IPO13: variants seen among roughly 807,000 people sequenced by gnomAD.
The protein encoded by IPO13 is importin 13.
A neutral mutation model predicts 115.5 loss-of-function variants in IPO13; 28 were observed. The observed-to-expected ratio is 0.24, with a 90% CI of 0.18 to 0.33. IPO13 has a LOEUF of 0.33. IPO13 is among the 10% of genes least tolerant of loss of function. The pLI is 1.00. For missense variants in IPO13, 785 were observed against 1,204.6 expected (o/e 0.65, Z 5.16); for synonymous variants, 414 against 478.9 (o/e 0.86, Z 1.77).
At position 43,966,379 on chromosome 1, in the gene IPO13, C is replaced by A. The variant is rs2085324713; in HGVS notation, c.2398-196C>A. 2 of 632,302 alleles carry A rather than the reference C, an allele frequency of 3.2e-6. No homozygotes were observed. Among genetic ancestry groups the A allele is most frequent in the Non-Finnish European group, 5.7e-6 (2 of 350,316 alleles). 39.2% of individuals were successfully genotyped at this position (632,302 alleles called of 1,614,324 possible). On this transcript the variant is annotated intron_variant, in intron 15 of 19. Coordinates refer to ENST00000372343, the MANE Select transcript of IPO13 (RefSeq NM_014652.4). This position sits in a 1 kb window ranked among gnomAD's most constrained non-coding sequence, Gnocchi z 4.1. ...GCGTGTTCATGTACACATACATGTA[C>A]ATAGCATCCCTTGAGCTGTCCTCAC...
intron 14 of IPO13, among the ~76,000 whole-genome samples, chr1:43,964,043 G>T (rs769947375): frequency 9.2e-5 from 14 of 152,238 alleles, no homozygotes; most frequent in Non-Finnish European, 2.1e-4. Context: ...TAGGCGGAAG[G>T]CCCCTTGGAG....
chr1:43,965,705 G>T (rs1198685963), intron 15 of IPO13, among the ~76,000 whole-genome samples: 1 of 151,040 alleles, frequency 6.6e-6, no homozygotes, highest in Non-Finnish European at 1.5e-5. Flanking sequence ...TTAGAGAAGT[G>T]TGTAAGGAGG....
chr1:43,947,359 C>T lies in IPO13; in HGVS notation c.-242C>T. On this transcript the variant is annotated 5_prime_UTR_variant, in exon 1 of 20. Transcript: ENST00000372343. The stretch of plus-strand genomic sequence containing the variant: ...AGGATCCCCGCCTGAGAGCTCCTCA[C>T]TGACGGCTCCCTCCTCGGAGTCCCC... The T allele has an allele frequency of 2.5e-6, 1 of 399,168 alleles. No individual in the cohort carries two copies. Among genetic ancestry groups the T allele is most frequent in the Non-Finnish European group, 4.4e-6 (1 of 226,260 alleles). 24.7% of individuals were successfully genotyped at this position (399,168 alleles called of 1,614,324 possible). A position where few individuals can be genotyped will look rare whatever the true frequency, so the allele number is the denominator to read the frequency against.
At chr1:43,948,656 G>A (rs1014085463) in intron 1 of IPO13, among the ~76,000 whole-genome samples, 4 of 152,364 alleles carry the variant, frequency 2.6e-5, no homozygotes, top group African/African-American at 9.6e-5. Flanking sequence ...TTGGAGCAGG[G>A]CAGTGTTGGC....
At position 43,966,167 on chromosome 1, in the gene IPO13, CTCT is replaced by C. The variant is rs958276623; in HGVS notation, c.2398-402_2398-400del. 2.3e-5 allele frequency: 6 copies of C among 264,268 alleles called. No homozygotes were observed. Among genetic ancestry groups the C allele is most frequent in the Non-Finnish European group, 3.8e-5 (5 of 132,844 alleles). 16.4% of individuals were successfully genotyped at this position (264,268 alleles called of 1,614,324 possible). ...TGAGGGCTCCCTGTCTGGCTGCCAT[CTCT>C]TCTTCCTGCTACCCTGTTCACAAAC... On this transcript the variant is annotated intron_variant, in intron 15 of 19. Coordinates refer to ENST00000372343, the MANE Select transcript of IPO13 (RefSeq NM_014652.4). This position sits in a 1 kb window ranked among gnomAD's most constrained non-coding sequence, Gnocchi z 4.1.
In IPO13 at chr1:43,947,667, G is replaced by A; in HGVS notation, c.67G>A (p.Val23Met). 1 of 1,322,328 alleles carries A rather than the reference G, an allele frequency of 7.6e-7. No homozygotes were observed. The highest frequency in any genetic ancestry group is 2.2e-5 in the South Asian group (1 of 45,650). 81.9% of individuals were successfully genotyped at this position (1,322,328 alleles called of 1,614,324 possible). A position where few individuals can be genotyped will look rare whatever the true frequency, so the allele number is the denominator to read the frequency against. ...AGAAPALDFT[V>M]ENVEKALHQL... The stretch of plus-strand genomic sequence containing the variant: ...AGCAGCACCAGCCTTGGACTTCACT[G>A]TGGAGAACGTGGAGAAGGTATGAGG... The change falls in exon 1 of 20, where the codon GTG (valine) becomes ATG (methionine). Residue 23 changes from valine (V) to methionine (M), a missense_variant. Around this residue, in one of 3 missense-constraint regions of IPO13, gnomAD observed 325 missense variants for 449.8 expected, o/e 0.72. Coordinates refer to ENST00000372343, the MANE Select transcript of IPO13 (RefSeq NM_014652.4).
Position 43,966,558 on chromosome 1 carries a change from A to T in IPO13, c.2398-17A>T. On this transcript the variant is annotated splice_polypyrimidine_tract_variant and intron_variant, in intron 15 of 19. Transcript: ENST00000372343. This position sits in a 1 kb window ranked among gnomAD's most constrained non-coding sequence, Gnocchi z 4.1. Reference sequence around the variant, plus strand: ...GGAGCTGGCTGGGGCTGGGCTTACCAGCTCCACCTCCTGCAGGCTCTGAAG... The same window carrying T: ...GGAGCTGGCTGGGGCTGGGCTTACCTGCTCCACCTCCTGCAGGCTCTGAAG... The T allele has an allele frequency of 6.2e-7, 1 of 1,613,572 alleles. No homozygotes were observed. The highest frequency in any genetic ancestry group is 8.5e-7 in the Non-Finnish European group (1 of 1,179,772).
chr1:43,958,537 A>C lies in IPO13; in HGVS notation c.1826A>C (p.Asn609Thr). The C allele has an allele frequency of 6.2e-7, 1 of 1,614,074 alleles. No individual in the cohort carries two copies. The highest frequency in any genetic ancestry group is 8.5e-7 in the Non-Finnish European group (1 of 1,180,010). ...CTTCAAGTGGAGGAGATCCTTAAGAACCTGCACTCGCTTATCTCACCCTAT... is the reference window on the plus strand; with the variant it reads ...CTTCAAGTGGAGGAGATCCTTAAGACCCTGCACTCGCTTATCTCACCCTAT... ...SALQVEEILK[N>T]LHSLISPYIQ... The change falls in exon 10 of 20, where the codon AAC becomes ACC. Residue 609 changes from asparagine to threonine, a missense_variant. Transcript: ENST00000372343. This position sits in a 1 kb window ranked among gnomAD's most constrained non-coding sequence, Gnocchi z 6.3.
chr1:43,963,954 G>A (rs1260344540), intron 14 of IPO13, among the ~76,000 whole-genome samples: 1 of 152,204 alleles, frequency 6.6e-6, no homozygotes, highest in African/African-American at 2.4e-5. Flanking sequence ...TGTGGTGGCC[G>A]TTTCTTCAGC....
chr1:43,957,728 T>C (rs2085261101), intron 7 of IPO13, among the ~76,000 whole-genome samples, 179 bp downstream of exon 7: 1 of 152,248 alleles, frequency 6.6e-6, no homozygotes, highest in Non-Finnish European at 1.5e-5. Context: ...CACACTGAGC[T>C]GCAATTCAGT....
chr1:43,960,808 G>A (rs2085284034), intron 12 of IPO13, 68 bp from the exon 13 acceptor site: 1 of 1,589,206 alleles, frequency 6.3e-7, no homozygotes. Flanking sequence ...CCCCCTCTGT[G>A]CAGGGCTTCA....
chr1:43,960,219 G>A (rs1169322350), intron 11 of IPO13, 30 bp from the exon 12 acceptor site: 1 of 1,611,288 alleles, frequency 6.2e-7, no homozygotes, highest in Non-Finnish European at 8.5e-7. Flanking sequence ...ATGGATAGCA[G>A]AAGCGCCTCA....
At chr1:43,959,923 C>T (rs2085278268) in intron 11 of IPO13, among the ~76,000 whole-genome samples, 2 of 152,182 alleles carry the variant, frequency 1.3e-5, no homozygotes, top group Admixed American at 6.5e-5. Flanking sequence ...AGCCCATAGC[C>T]TTGGTTTTAC....
chr1:43,966,735 C>T lies in IPO13; in HGVS notation c.2476C>T (p.Leu826Phe), dbSNP rs1051678002. The stretch of plus-strand genomic sequence containing the variant: ...TGCCTTTCCCACAGCTGTGCTGGCC[C>T]TCAAGTTCCCTGAGGCACCTACTGT... ...KAVFQCAVLA[L>F]KFPEAPTVKA... The change falls in exon 17 of 20, where the codon CTC becomes TTC. Residue 826 changes from leucine (L) to phenylalanine (F), a missense_variant. By Grantham distance (22) the Leu-to-Phe change is conservative. Around this residue, in one of 3 missense-constraint regions of IPO13, gnomAD observed 285 missense variants for 394.8 expected, o/e 0.72. Coordinates refer to ENST00000372343, the MANE Select transcript of IPO13 (RefSeq NM_014652.4). The surrounding 1 kb of genome is among the most constrained non-coding windows in gnomAD (Gnocchi z 4.1). 2 of 1,614,092 alleles carry T rather than the reference C, an allele frequency of 1.2e-6. No individual in the cohort carries two copies. The highest frequency in any genetic ancestry group is 2.7e-5 in the African/African-American group (2 of 74,924).
chr1:43,950,154 G>A lies in IPO13; in HGVS notation c.821+1G>A. ...CCATCTCACAGCCTGATGCCCAGAG[G>A]TGAGCTAGTACCCACTCACCCAGAA... On this transcript the variant is annotated splice_donor_variant, in intron 2 of 19. Coordinates refer to ENST00000372343, the MANE Select transcript of IPO13 (RefSeq NM_014652.4). LOFTEE classifies it high-confidence loss of function. 1 of 1,603,974 alleles carries A rather than the reference G, an allele frequency of 6.2e-7. No homozygotes were observed. Among genetic ancestry groups the A allele is most frequent in the South Asian group, 1.1e-5 (1 of 90,128 alleles).
In IPO13 at chr1:43,957,186, G is replaced by A; in HGVS notation, c.1272-9G>A. Reference sequence around the variant, plus strand: ...CAGGCAGTATAAAAGGCCTTCATCTGCTTCTCAGGGTGGACATCTCAGACA... The same window carrying A: ...CAGGCAGTATAAAAGGCCTTCATCTACTTCTCAGGGTGGACATCTCAGACA... On this transcript the variant is annotated splice_polypyrimidine_tract_variant and intron_variant, in intron 5 of 19. Transcript: ENST00000372343. 6.2e-7 allele frequency: 1 copy of A among 1,612,994 alleles called. No homozygotes were observed. The highest frequency in any genetic ancestry group is 8.5e-7 in the Non-Finnish European group (1 of 1,179,170).
rs17402858 is a variant in IPO13 at position 43,956,950 on chromosome 1, C to A, written c.1245C>A (p.Asp415Glu). Residue 415 changes from aspartate to glutamate, a missense_variant, in exon 5 of 20, where the codon GAC becomes GAA. Coordinates refer to ENST00000372343, the MANE Select transcript of IPO13 (RefSeq NM_014652.4). The surrounding 1 kb of genome is among the most constrained non-coding windows in gnomAD (Gnocchi z 4.7). ...SDEEYGFWSS[D>E]EKEQFRIYRV... ...AGGAATATGGATTCTGGTCCTCAGA[C>A]GAGAAGGAGCAGTTCCGAATTTACA... is the stretch of plus-strand genomic sequence containing the variant. 1.9e-6 allele frequency: 3 copies of A among 1,614,144 alleles called. No homozygotes were observed. The highest frequency in any genetic ancestry group is 2.2e-5 in the East Asian group (1 of 44,894).
Position 43,949,623 on chromosome 1 carries a change from G to A in IPO13, c.291G>A (p.Gln97=), listed in dbSNP as rs1398856239. The A allele has an allele frequency of 6.2e-7, 1 of 1,614,238 alleles. No individual in the cohort carries two copies. Among genetic ancestry groups the A allele is most frequent in the Admixed American group, 1.7e-5 (1 of 60,028 alleles). Residue 97 remains glutamine (Q), a synonymous_variant, in exon 2 of 20, where the codon CAG becomes CAA. Transcript: ENST00000372343. ...ACTGGAGTGACATCCCCACTGACCAGTATGAAAGCCTAAAGGCACAGCTCT... is the reference window on the plus strand; with the variant it reads ...ACTGGAGTGACATCCCCACTGACCAATATGAAAGCCTAAAGGCACAGCTCT... ...SRYWSDIPTD[Q]YESLKAQLFT...
intron 6 of IPO13, 41 bp from the exon 7 acceptor site, chr1:43,957,361 C>T: frequency 6.2e-7 from 1 of 1,613,642 alleles, no homozygotes; most frequent in Non-Finnish European, 8.5e-7. Flanking sequence ...ACCTGTCACA[C>T]CCTCCTCCTC....
Sources: allele counts gnomAD v4.1 joint callset (sites outside exome capture counted in the v4.1 genomes callset), GRCh38; gene constraint gnomAD v4.1.1; regional missense constraint gnomAD v4.1.1; non-coding constraint Gnocchi (gnomAD v3.1); transcripts MANE v1.5; gene names NCBI Gene and HGNC (gene_info 2026-07-23, HGNC 2026-07-21).